The following TRAPPC9 variants were observed in gnomAD, a reference collection of about 807,000 sequenced individuals.
The protein encoded by TRAPPC9 is IKK2 binding protein.
A neutral mutation model predicts 124.0 loss-of-function variants in TRAPPC9; 83 were observed. The ratio of observed to expected loss-of-function variants is 0.67; its 90% confidence interval spans 0.56 to 0.80. The LOEUF (loss-of-function observed/expected upper bound fraction) is 0.80, where lower values mean the gene tolerates loss of function less well. Among genes scored for constraint, TRAPPC9 ranks in the 30% least tolerant of loss-of-function variants. The probability of loss-of-function intolerance (pLI) is 0.00; values close to 1 mark genes in which losing one functional copy is unlikely to be tolerated. For synonymous variants in TRAPPC9, 638 were observed against 617.5 expected, an observed-to-expected ratio of 1.03 and a Z score of -0.49; for missense variants, 1,302 against 1,508.3, an observed-to-expected ratio of 0.86 and a Z score of 2.27.
chr8:139,764,179 GTGGGAGCTGCAGCC>G (rs1444966660), intron 21 of TRAPPC9, among the ~76,000 whole-genome samples: 1 of 152,174 alleles, frequency 6.6e-6, no homozygotes, highest in Non-Finnish European at 1.5e-5. Flanking sequence ...GGATGGAGTG[GTGGGAGCTGCAGCC>G]TGGGGTGGGT....
chr8:140,178,161 T>C (rs149952218), intron 17 of TRAPPC9, among the ~76,000 whole-genome samples: 48 of 152,260 alleles, frequency 3.2e-4, no homozygotes, highest in African/African-American at 1.1e-3. Flanking sequence ...TTCAGCACAA[T>C]ATGAAATAGA....
intron 21 of TRAPPC9, among the ~76,000 whole-genome samples, chr8:139,800,471 A>G (rs1057211740): frequency 2.0e-5 from 3 of 152,228 alleles, no homozygotes; most frequent in Admixed American, 6.5e-5. Flanking sequence ...GACAATTCGG[A>G]AAGACCAGCT....
chr8:139,748,259 G>T (rs531171427), intron 21 of TRAPPC9, among the ~76,000 whole-genome samples: 2 of 83,738 alleles, frequency 2.4e-5, no homozygotes, highest in Non-Finnish European at 4.5e-5. Context: ...GAGCAGGTAG[G>T]GGGGGCATAC....
chr8:140,268,222 T>C (rs889967121), intron 15 of TRAPPC9, among the ~76,000 whole-genome samples: 3 of 152,172 alleles, frequency 2.0e-5, no homozygotes, highest in African/African-American at 7.2e-5. Flanking sequence ...TACTTTCTCC[T>C]ATAGTTAACA....
Position 140,364,292 on chromosome 8 carries a change from CAAAAAAA to C in TRAPPC9, c.1352-4106_1352-4100del, listed in dbSNP as rs34616334. 3.6e-4 allele frequency among the ~76,000 whole-genome samples: 19 copies of C among 53,060 alleles called. 1 individual carries two copies. The highest frequency in any genetic ancestry group is 1.5e-3 in the South Asian group (2 of 1,316). The allele number at this position is 53,060 out of a possible 152,430, so 34.8% of individuals were successfully genotyped here. On this transcript the variant is annotated intron_variant, in intron 8 of 22. Coordinates refer to ENST00000438773, the MANE Select transcript of TRAPPC9 (RefSeq NM_001160372.4). ...AGCCTGGAGTTATATTCAAAGGATG[CAAAAAAA>C]AAAAAAAAAAAAAGGAACCGAAAAG...
At position 139,898,524 on chromosome 8, in the gene TRAPPC9, C is replaced by T. The variant is rs189777219; in HGVS notation, c.2964+11623G>A. Among the ~76,000 whole-genome samples the T allele has an allele frequency of 3.2e-4, 49 of 152,222 alleles. 1 individual carries two copies. The East Asian group carries it at 8.3e-3, about 26-fold the overall frequency. ...ATGTCCACCCACACAAGCTTGTGTC[C>T]GGGAAGATTTACTGAGCACCTACTC... is the stretch of plus-strand genomic sequence containing the variant. On this transcript the variant is annotated intron_variant, in intron 20 of 22. Transcript: ENST00000438773.
At chr8:139,769,176 C>T (rs918672566) in intron 21 of TRAPPC9, among the ~76,000 whole-genome samples, 4 of 152,228 alleles carry the variant, frequency 2.6e-5, no homozygotes, top group Non-Finnish European at 5.9e-5. Flanking sequence ...CCCCAGTGGA[C>T]GGCTGAAACC....
chr8:139,869,315 A>G (rs1828745861), intron 21 of TRAPPC9, among the ~76,000 whole-genome samples: 1 of 152,218 alleles, frequency 6.6e-6, no homozygotes, highest in Non-Finnish European at 1.5e-5. Flanking sequence ...GGGATGAAAT[A>G]AGGGCAAAAA....
chr8:140,096,380 A>C (rs1587696771), intron 17 of TRAPPC9: 1 of 152,208 alleles, frequency 6.6e-6, no homozygotes, highest in African/African-American at 2.4e-5. Context: ...TGTTAACAGG[A>C]TCCCTCTGGC....
chr8:140,356,204 C>T (rs977290807), intron 9 of TRAPPC9, among the ~76,000 whole-genome samples: 1 of 152,192 alleles, frequency 6.6e-6, no homozygotes, highest in African/African-American at 2.4e-5. Flanking sequence ...AAAAAAGAAA[C>T]ACAGCAACAG....
intron 21 of TRAPPC9, among the ~76,000 whole-genome samples, chr8:139,760,737 A>G (rs6985985): frequency 0.32 from 49,242 of 152,050 alleles, 9,933 homozygotes; most frequent in African/African-American, 0.58. Context: ...GTGGATGGCG[A>G]CAGGCAAAAA....
intron 4 of TRAPPC9, among the ~76,000 whole-genome samples, chr8:140,430,926 C>T (rs928946165): frequency 6.6e-6 from 1 of 152,108 alleles, no homozygotes; most frequent in Admixed American, 6.5e-5. Context: ...AGGTGTGAGC[C>T]ACCATGCCCG....
At chr8:140,024,401 CTTTT>C (rs35795692) in intron 17 of TRAPPC9, among the ~76,000 whole-genome samples, 1 of 144,820 alleles carries the variant, frequency 6.9e-6, no homozygotes, top group Non-Finnish European at 1.5e-5. Context: ...AATATGGTTT[CTTTT>C]TTTTTTTTTT....
At chr8:140,164,855 C>A (rs1042819407) in intron 17 of TRAPPC9, among the ~76,000 whole-genome samples, 4 of 152,186 alleles carry the variant, frequency 2.6e-5, no homozygotes, top group Non-Finnish European at 5.9e-5. Flanking sequence ...GCCTCTCCTG[C>A]CCATACCTAA....
At chr8:140,080,257 CAT>C (rs1843738601) in intron 17 of TRAPPC9, among the ~76,000 whole-genome samples, 1 of 152,294 alleles carries the variant, frequency 6.6e-6, no homozygotes, top group East Asian at 1.9e-4. Context: ...TTGAGAACCA[CAT>C]GAGTAAACTT....
intron 7 of TRAPPC9, among the ~76,000 whole-genome samples, chr8:140,372,630 T>C (rs1382738286): frequency 1.3e-5 from 2 of 152,068 alleles, no homozygotes; most frequent in African/African-American, 4.8e-5. Context: ...GTGGGGACTT[T>C]AAAAAGTGAT....
intron 19 of TRAPPC9, among the ~76,000 whole-genome samples, chr8:139,988,161 T>C (rs1400064869): frequency 7.0e-6 from 1 of 143,726 alleles, no homozygotes; most frequent in East Asian, 2.1e-4. Context: ...CAGGCTGGAG[T>C]ACGGTGGTAC....
chr8:140,449,526 A>G (rs1311598685), intron 2 of TRAPPC9, among the ~76,000 whole-genome samples: 2 of 152,246 alleles, frequency 1.3e-5, no homozygotes, highest in Non-Finnish European at 2.9e-5. Context: ...TTTGAAATAA[A>G]GTTTTTGACT....
chr8:139,757,269 G>A (rs1484918367), intron 21 of TRAPPC9, among the ~76,000 whole-genome samples: 1 of 141,214 alleles, frequency 7.1e-6, no homozygotes, highest in African/African-American at 2.7e-5. Flanking sequence ...AGGACAGCAG[G>A]TTGCAGGAGG....
Sources: gnomAD v4.1 joint callset for allele counts (sites outside exome capture counted in the v4.1 genomes callset) on GRCh38, gnomAD v4.1.1 for gene constraint, MANE v1.5 for transcripts, NCBI Gene and HGNC (gene_info 2026-07-23, HGNC 2026-07-21) for gene names.